Variants in TRABD2B observed in about 807,000 individuals in gnomAD.
The protein encoded by TRABD2B is metalloprotease TIKI2.
Under a neutral mutation model 40.1 loss-of-function variants are expected in TRABD2B, and 14 were observed. The observed-to-expected ratio is 0.35, with a 90% CI of 0.23 to 0.55. The LOEUF is 0.55. Ranked by LOEUF, TRABD2B falls within the 20% of genes least tolerant of loss-of-function variation. TRABD2B has a pLI of 0.90. For missense variants in TRABD2B, 541 were observed against 648.6 expected (o/e 0.83, Z 1.80); for synonymous variants, 263 against 277.0 (o/e 0.95, Z 0.50).
chr1:47,804,155 A>G (rs1644858823), intron 2 of TRABD2B, among the ~76,000 whole-genome samples: 1 of 152,182 alleles, frequency 6.6e-6, no homozygotes, highest in East Asian at 1.9e-4. Context: ...AGCTGGCTGG[A>G]GATGAGGTCA....
At position 47,778,487 on chromosome 1, in the gene TRABD2B, A is replaced by C. The variant is rs1569903244; in HGVS notation, c.1046T>G (p.Val349Gly). 1 of 1,535,986 alleles carries C rather than the reference A, an allele frequency of 6.5e-7. No homozygotes were observed. Among genetic ancestry groups the C allele is most frequent in the Non-Finnish European group, 8.7e-7 (1 of 1,146,872 alleles). ...GGCCTGCCCGGCGGGTGTGTGGTCC[A>C]CCTCCAGCCCTGCCTGCCGCAGGAT... ...IDILRQAGLEVDHTPAGQAIH... is the reference protein window; with the variant it reads ...IDILRQAGLEGDHTPAGQAIH... Residue 349 changes from valine to glycine, a missense_variant, in exon 5 of 7, where the codon GTG becomes GGG. Val to Gly is a moderately radical substitution (Grantham distance 109). Transcript: ENST00000606738.
At chr1:47,848,323 GTGACCAGGGTGAGGGGTCAGCTA>G (rs1645500478) in intron 2 of TRABD2B, among the ~76,000 whole-genome samples, 1 of 152,200 alleles carries the variant, frequency 6.6e-6, no homozygotes, top group Admixed American at 6.5e-5. Flanking sequence ...CAGCCAGTCT[GTGACCAGGGTGAGGGGTCAGCTA>G]TGACCAGGAT....
chr1:47,969,249 C>T (rs1250265556), intron 2 of TRABD2B, among the ~76,000 whole-genome samples: 1 of 152,166 alleles, frequency 6.6e-6, no homozygotes, highest in Admixed American at 6.5e-5. Context: ...GTCTTCTGAC[C>T]TTGGGTAGGA....
At chr1:47,880,845 C>A (rs888862844) in intron 2 of TRABD2B, among the ~76,000 whole-genome samples, 6 of 152,206 alleles carry the variant, frequency 3.9e-5, no homozygotes, top group Non-Finnish European at 8.8e-5. Context: ...TATGCTTGGG[C>A]CCCCACTTGC....
At chr1:47,935,456 T>C (rs1405755387) in intron 2 of TRABD2B, among the ~76,000 whole-genome samples, 1 of 152,198 alleles carries the variant, frequency 6.6e-6, no homozygotes, top group African/African-American at 2.4e-5. Flanking sequence ...TCTGGGGACA[T>C]ATCTGACCTC....
intron 2 of TRABD2B, among the ~76,000 whole-genome samples, chr1:47,844,173 C>T (rs1425371629): frequency 2.0e-5 from 3 of 152,202 alleles, no homozygotes; most frequent in Non-Finnish European, 4.4e-5. Context: ...GCAATAACAC[C>T]GTGCTGACCA....
chr1:47,947,781 A>G (rs1645280569), intron 2 of TRABD2B, among the ~76,000 whole-genome samples: 2 of 152,224 alleles, frequency 1.3e-5, no homozygotes, highest in Non-Finnish European at 2.9e-5. Flanking sequence ...TCTGCAGAGC[A>G]CTTGCCTTCC....
Position 47,762,297 on chromosome 1 carries a change from T to A in TRABD2B, c.*3605A>T, listed in dbSNP as rs1162540625. 2.6e-5 allele frequency: 4 copies of A among 152,088 alleles called. No individual in the cohort carries two copies. The highest frequency in any genetic ancestry group is 9.7e-5 in the African/African-American group (4 of 41,386). The allele number at this position is 152,088 out of a possible 1,614,324, so 9.4% of individuals were successfully genotyped here. A position where few individuals can be genotyped will look rare whatever the true frequency, so the allele number is the denominator to read the frequency against. ...GAAGGGTCTAGCGGACACTTCAGGG[T>A]GAGGCTGAGGACTCTGGTTCTTATC... On this transcript the variant is annotated 3_prime_UTR_variant, in exon 7 of 7. Transcript: ENST00000606738.
At chr1:47,779,669 C>A (rs1006089943) in intron 4 of TRABD2B, among the ~76,000 whole-genome samples, 1 of 152,052 alleles carries the variant, frequency 6.6e-6, no homozygotes, top group Non-Finnish European at 1.5e-5. Flanking sequence ...CAGTCTCCCC[C>A]ACCTGCTCAA....
chr1:47,921,075 T>C (rs771216479), intron 2 of TRABD2B, among the ~76,000 whole-genome samples: 4 of 152,234 alleles, frequency 2.6e-5, no homozygotes, highest in Non-Finnish European at 5.9e-5. Flanking sequence ...ATACTTGGCC[T>C]AGACACACAC....
chr1:47,786,930 C>G (rs1644603287), intron 4 of TRABD2B, among the ~76,000 whole-genome samples: 1 of 152,104 alleles, frequency 6.6e-6, no homozygotes, highest in South Asian at 2.1e-4. Flanking sequence ...GTCTCAAACT[C>G]CTGGCTTCAG....
intron 2 of TRABD2B, among the ~76,000 whole-genome samples, chr1:47,918,849 C>T (rs766481548): frequency 3.3e-5 from 5 of 152,198 alleles, no homozygotes; most frequent in Admixed American, 6.5e-5. Flanking sequence ...GGCTGTGGTT[C>T]CTTCTGCCTA....
At chr1:47,897,360 T>C (rs980175846) in intron 2 of TRABD2B, among the ~76,000 whole-genome samples, 5 of 152,092 alleles carry the variant, frequency 3.3e-5, no homozygotes, top group African/African-American at 1.2e-4. Context: ...TAGGCTGCTG[T>C]ACTGCACTTC....
chr1:47,772,081 C>T lies in TRABD2B; in HGVS notation c.1349+3089G>A, dbSNP rs181740486. ...TGGAGGAAGGGAGGCCTCAGCTGGG[C>T]CAGGGAGAGGGGGAAGGGCAACCAC... On this transcript the variant is annotated intron_variant, in intron 6 of 6. Transcript: ENST00000606738. Among the ~76,000 whole-genome samples, 409 of 151,906 alleles carry T rather than the reference C, an allele frequency of 2.7e-3. 4 individuals carry two copies. The highest frequency in any genetic ancestry group is 2.6e-3 in the Non-Finnish European group (178 of 67,924).
intron 6 of TRABD2B, among the ~76,000 whole-genome samples, chr1:47,766,708 G>A (rs1010211216): frequency 6.6e-6 from 1 of 152,192 alleles, no homozygotes; most frequent in Admixed American, 6.5e-5. Flanking sequence ...TGTGGTGGCT[G>A]GCGGGGAGGC....
At chr1:47,921,351 C>G (rs1027995944) in intron 2 of TRABD2B, among the ~76,000 whole-genome samples, 1 of 152,184 alleles carries the variant, frequency 6.6e-6, no homozygotes, top group South Asian at 2.1e-4. Context: ...CTAAGAAAGA[C>G]AAGTCCCAAG....
At chr1:47,887,353 T>C (rs1423779255) in intron 2 of TRABD2B, among the ~76,000 whole-genome samples, 1 of 151,830 alleles carries the variant, frequency 6.6e-6, no homozygotes, top group Non-Finnish European at 1.5e-5. Flanking sequence ...GATCTTAACT[T>C]CGACATGCTA....
chr1:47,990,457 C>A (rs568990362), intron 2 of TRABD2B, among the ~76,000 whole-genome samples: 2 of 152,022 alleles, frequency 1.3e-5, no homozygotes, highest in Non-Finnish European at 2.9e-5. Context: ...AGGGGCTCAC[C>A]GCCTCCTAAT....
chr1:47,987,963 G>C (rs1028340858), intron 2 of TRABD2B, among the ~76,000 whole-genome samples: 1 of 152,200 alleles, frequency 6.6e-6, no homozygotes, highest in Non-Finnish European at 1.5e-5. Flanking sequence ...CTCCATGGTT[G>C]ACTTCCTGGG....
Sources: allele counts gnomAD v4.1 joint callset (sites outside exome capture counted in the v4.1 genomes callset), GRCh38; gene constraint gnomAD v4.1.1; transcripts MANE v1.5; gene names NCBI Gene and HGNC (gene_info 2026-07-23, HGNC 2026-07-21).